RBKS: variants seen among roughly 807,000 people sequenced by gnomAD.
The protein encoded by RBKS is ribokinase.
In RBKS, 33 loss-of-function variants were observed where a neutral mutation model predicts 33.9. That is an observed-to-expected ratio of 0.97 (90% CI 0.74 to 1.30). The LOEUF (loss-of-function observed/expected upper bound fraction) is 1.30, where lower values mean the gene tolerates loss of function less well. Ranked by LOEUF, RBKS falls within the 50% of genes most tolerant of loss-of-function variation. The pLI is 0.00. For synonymous variants in RBKS, 125 were observed against 143.0 expected (o/e 0.87, Z 0.90); for missense variants, 361 against 392.6 (o/e 0.92, Z 0.68).
At chr2:27,870,565 G>A in intron 1 of RBKS, 1 of 353,152 alleles carries the variant, frequency 2.8e-6, no homozygotes, top group Admixed American at 3.7e-5. Flanking sequence ...AGAGACGTGA[G>A]TTAAGGGCAT....
rs115241569 is a variant in RBKS, at chr2:27,795,480, G to C, written c.796-13692C>G. 9.2e-3 allele frequency among the ~76,000 whole-genome samples: 1,401 copies of C among 152,294 alleles called. 25 individuals carry two copies. The highest frequency in any genetic ancestry group is 0.031 in the African/African-American group (1,294 of 41,556). ...TACAGAGGAGTGGAAGGGTAAGGAA[G>C]AGAGTGAACTTTTACTGTTTGCTCC... is the stretch of plus-strand genomic sequence containing the variant. On this transcript the variant is annotated intron_variant, in intron 7 of 7. Coordinates refer to ENST00000302188, the MANE Select transcript of RBKS (RefSeq NM_022128.3). The surrounding 1 kb of genome is among the most constrained non-coding windows in gnomAD (Gnocchi z 4.1).
Position 27,788,683 on chromosome 2 carries a change from G to A in RBKS, c.796-6895C>T, listed in dbSNP as rs537510551. Among the ~76,000 whole-genome samples, 19 of 152,180 alleles carry A rather than the reference G, an allele frequency of 1.2e-4. 2 individuals carry two copies. On this transcript the variant is annotated intron_variant, in intron 7 of 7. Coordinates refer to ENST00000302188, the MANE Select transcript of RBKS (RefSeq NM_022128.3). ...GATCGCATCACTGCACTCCAGCCTG[G>A]GTAACAGAGCGAAAAAAACCAATTC...
intron 7 of RBKS, among the ~76,000 whole-genome samples, chr2:27,825,629 A>G (rs1678297205): frequency 6.6e-6 from 1 of 152,198 alleles, no homozygotes; most frequent in African/African-American, 2.4e-5. Flanking sequence ...CAGCGTGGGT[A>G]GGGAGTGGAC....
At chr2:27,888,732 G>A (rs961813153) in intron 1 of RBKS, among the ~76,000 whole-genome samples, 4 of 152,126 alleles carry the variant, frequency 2.6e-5, no homozygotes, top group African/African-American at 9.7e-5. Flanking sequence ...ATGGCCTGCA[G>A]GATGTTCTTG....
In RBKS at chr2:27,858,470, C is replaced by G; in HGVS notation, c.191G>C (p.Arg64Pro). 6.2e-7 allele frequency: 1 copy of G among 1,613,994 alleles called. No homozygotes were observed. Residue 64 changes from arginine (R) to proline (P), a missense_variant, in exon 2 of 8, where the codon CGG (arginine) becomes CCG (proline). Transcript: ENST00000302188. ...KGANQCVQAA[R>P]LGAMTSMVCK... ...CACCATGGACGTCATTGCTCCAAGC[C>G]GAGCAGCTTGGACACACTGGTTGGC...
intron 1 of RBKS, chr2:27,861,644 A>G (rs190785781): frequency 7.2e-4 from 311 of 430,484 alleles, no homozygotes; most frequent in African/African-American, 5.8e-3. Flanking sequence ...TAAGGAGATT[A>G]GTATGTTCCA....
chr2:27,806,835 C>T (rs1444358234), intron 7 of RBKS, among the ~76,000 whole-genome samples: 1 of 152,182 alleles, frequency 6.6e-6, no homozygotes, highest in Non-Finnish European at 1.5e-5. Flanking sequence ...TGGGCTCCAT[C>T]CCCAAAGTTT....
Position 27,861,664 on chromosome 2 carries a change from G to GGA in RBKS, c.90-3094_90-3093insTC, listed in dbSNP as rs1553380049. ...AGATTAGTATGTTCCATTTCTTTTT[G>GGA]GGGGGGGGGTGGAGTCTCACTTTGT... is the stretch of plus-strand genomic sequence containing the variant. On this transcript the variant is annotated intron_variant, in intron 1 of 7. Coordinates refer to ENST00000302188, the MANE Select transcript of RBKS (RefSeq NM_022128.3). The GGA allele has an allele frequency of 1.9e-5, 4 of 215,472 alleles. No homozygotes were observed. In the African/African-American group the frequency reaches 2.7e-4, roughly 15 times the overall value. 13.3% of individuals were successfully genotyped at this position (215,472 alleles called of 1,614,324 possible).
intron 7 of RBKS, among the ~76,000 whole-genome samples, chr2:27,789,947 G>GTGTATATATATATATATATGTATA (rs1677484210): frequency 2.1e-5 from 2 of 95,154 alleles, no homozygotes; most frequent in Non-Finnish European, 4.0e-5. Flanking sequence ...ATATGTATAT[G>GTGTATATATATATATATATGTATA]TGTATATATA....
intron 6 of RBKS, among the ~76,000 whole-genome samples, chr2:27,832,213 G>A (rs192292510): frequency 3.4e-3 from 521 of 152,228 alleles, no homozygotes; most frequent in Non-Finnish European, 6.3e-3. Flanking sequence ...ACTAATTAGC[G>A]TTTGGCAGAC....
At chr2:27,846,904 G>A in intron 4 of RBKS, 138 bp downstream of exon 4, 2 of 561,234 alleles carry the variant, frequency 3.6e-6, no homozygotes, top group Non-Finnish European at 6.6e-6. Context: ...TATTTGGATT[G>A]GAAAAACTAT....
In RBKS at chr2:27,837,291, A is replaced by G. The variant is rs1325623611; in HGVS notation, c.515-4514T>C. The stretch of plus-strand genomic sequence containing the variant: ...TCCATCTCAAAAAACAAAACAAAAC[A>G]AAACGAAACAAAAAACAAAAAGTCA... On this transcript the variant is annotated intron_variant, in intron 5 of 7. Transcript: ENST00000302188. The surrounding 1 kb of genome is among the most constrained non-coding windows in gnomAD (Gnocchi z 4.0). 1.3e-5 allele frequency among the ~76,000 whole-genome samples: 2 copies of G among 152,154 alleles called. No homozygotes were observed. Among genetic ancestry groups the G allele is most frequent in the South Asian group, 2.1e-4 (1 of 4,830 alleles).
At chr2:27,854,750 C>CTT (rs773901822) in intron 2 of RBKS, among the ~76,000 whole-genome samples, 29 of 133,688 alleles carry the variant, frequency 2.2e-4, no homozygotes, top group African/African-American at 3.0e-4. Context: ...GTTGCTTTTT[C>CTT]TTTTTTTTTT....
chr2:27,879,740 AG>A (rs1421610445), intron 1 of RBKS, among the ~76,000 whole-genome samples: 32 of 152,364 alleles, frequency 2.1e-4, no homozygotes, highest in Non-Finnish European at 3.4e-4. Context: ...AAAAGTCAGA[AG>A]AAATGGATAA....
chr2:27,875,846 C>T (rs137881972), intron 1 of RBKS, among the ~76,000 whole-genome samples: 5 of 152,206 alleles, frequency 3.3e-5, no homozygotes, highest in African/African-American at 1.2e-4. Flanking sequence ...CATTTTTCCT[C>T]TTGCACAAAC....
chr2:27,796,072 T>A (rs1484997942), intron 7 of RBKS, among the ~76,000 whole-genome samples: 1 of 152,220 alleles, frequency 6.6e-6, no homozygotes, highest in East Asian at 1.9e-4. Flanking sequence ...CTTTCTTTTG[T>A]GTTAGTGAAA....
chr2:27,797,057 ACATCCC>A (rs1677680176), intron 7 of RBKS, among the ~76,000 whole-genome samples: 2 of 152,196 alleles, frequency 1.3e-5, no homozygotes, highest in African/African-American at 4.8e-5. Flanking sequence ...TAAATGTGTG[ACATCCC>A]CAGCAGAGCA....
intron 2 of RBKS, among the ~76,000 whole-genome samples, chr2:27,848,838 CAA>C (rs58195900): frequency 1.2e-4 from 11 of 95,464 alleles, no homozygotes; most frequent in Non-Finnish European, 1.1e-4. Flanking sequence ...GAGACTGTCT[CAA>C]AAAAAAAAAA....
intron 6 of RBKS, among the ~76,000 whole-genome samples, 179 bp downstream of exon 6, chr2:27,832,507 T>TC (rs915485219): frequency 1.3e-5 from 2 of 152,190 alleles, no homozygotes; most frequent in African/African-American, 4.8e-5. Context: ...AATCCTTTTT[T>TC]CCCCCCTAGG....
Sources: gnomAD v4.1 joint callset for allele counts (sites outside exome capture counted in the v4.1 genomes callset) on GRCh38, gnomAD v4.1.1 for gene constraint, Gnocchi (gnomAD v3.1) non-coding constraint, MANE v1.5 for transcripts, NCBI Gene and HGNC (gene_info 2026-07-23, HGNC 2026-07-21) for gene names.